Variants in GNE observed in about 807,000 individuals in gnomAD.
GNE encodes the protein bifunctional UDP-N-acetylglucosamine 2-epimerase/N-acetylmannosamine kinase.
Under a neutral mutation model 61.8 loss-of-function variants are expected in GNE, and 41 were observed. The observed-to-expected ratio is 0.66, with a 90% CI of 0.52 to 0.86. GNE has a LOEUF of 0.86. Among genes scored for constraint, GNE ranks in the 40% least tolerant of loss-of-function variants. The pLI is 0.00. For missense variants in GNE, 608 were observed against 909.1 expected, an observed-to-expected ratio of 0.67 and a Z score of 4.26; for synonymous variants, 264 against 326.4, an observed-to-expected ratio of 0.81 and a Z score of 2.06.
At chr9:36,274,533 C>T (rs1276485345) in intron 1 of GNE, among the ~76,000 whole-genome samples, 1 of 152,124 alleles carries the variant, frequency 6.6e-6, no homozygotes, top group Non-Finnish European at 1.5e-5. Flanking sequence ...TGGTCACTGC[C>T]TTATTCTTGA....
At chr9:36,240,418 T>C (rs1247245438) in intron 3 of GNE, among the ~76,000 whole-genome samples, 1 of 152,234 alleles carries the variant, frequency 6.6e-6, no homozygotes, top group African/African-American at 2.4e-5. Context: ...ACTGAAATGA[T>C]CATGTGATTT....
intron 3 of GNE, among the ~76,000 whole-genome samples, chr9:36,240,420 A>ATG (rs1434351518): frequency 6.6e-6 from 1 of 152,190 alleles, no homozygotes; most frequent in Non-Finnish European, 1.5e-5. Context: ...TGAAATGATC[A>ATG]TGTGATTTTT....
At chr9:36,258,737 G>A (rs556686512), upstream of GNE, among the ~76,000 whole-genome samples, 4 of 152,356 alleles carry the variant, frequency 2.6e-5, no homozygotes, top group South Asian at 2.1e-4. Flanking sequence ...ACTGAAGCCC[G>A]AGTCTTCCCG....
At position 36,246,437 on chromosome 9, in the gene GNE, G is replaced by A. The variant is rs755507632; in HGVS notation, c.210C>T (p.Thr70=). Residue 70 remains threonine, a synonymous_variant, in exon 3 of 12, where the codon ACC becomes ACT. Transcript: ENST00000642385. ...CTCCCCTCACAATTGTGTGTAGCCT[G>A]GTGTTAATGTCAAAGTCATCTTGTT... ...MIEQDDFDIN[T]RLHTIVRGED... The A allele has an allele frequency of 6.2e-7, 1 of 1,613,794 alleles. No individual in the cohort carries two copies. The highest frequency in any genetic ancestry group is 1.7e-5 in the Admixed American group (1 of 60,000).
chr9:36,258,628 C>A (rs751619331), upstream of GNE: 2 of 540,626 alleles, frequency 3.7e-6, no homozygotes, highest in Non-Finnish European at 4.7e-6. Context: ...GACCAGCGGA[C>A]CATCTTCCAT....
rs552859349 is a variant in GNE at position 36,247,590 on chromosome 9, G to A, written c.165-1108C>T. Among the ~76,000 whole-genome samples the A allele has an allele frequency of 5.3e-5, 8 of 152,204 alleles. No individual in the cohort carries two copies. In the East Asian group the frequency reaches 1.5e-3, roughly 29 times the overall value. ...ATAAAAAACCTACTACCATTTCCCT[G>A]AGAGCCTCTCTTCCACTAGTCTTCC... is the stretch of plus-strand genomic sequence containing the variant. On this transcript the variant is annotated intron_variant, in intron 2 of 11. Transcript: ENST00000642385.
intron 1 of GNE, among the ~76,000 whole-genome samples, chr9:36,254,569 A>G (rs1292637520): frequency 6.6e-6 from 1 of 151,992 alleles, no homozygotes; most frequent in Non-Finnish European, 1.5e-5. Flanking sequence ...TGGGGCAAGT[A>G]AATTTCCTTT....
Position 36,217,555 on chromosome 9 carries a change from A to G in GNE, c.1979T>C (p.Met660Thr). The change falls in exon 12 of 12, where the codon ATG becomes ACG. Residue 660 changes from methionine (M) to threonine (T), a missense_variant. Physicochemically the swap from Met to Thr is moderately conservative, Grantham distance 81. Coordinates refer to ENST00000642385, the MANE Select transcript of GNE (RefSeq NM_005476.7). ...GGAGAGGATCACAAGGGAGGGATTC[A>G]TGGTATGGAGGATGTTCACAACCCC... is the stretch of plus-strand genomic sequence containing the variant. ...GLGVVNILHT[M>T]NPSLVILSGV... 4 of 1,614,134 alleles carry G rather than the reference A, an allele frequency of 2.5e-6. No homozygotes were observed. The highest frequency in any genetic ancestry group is 3.4e-6 in the Non-Finnish European group (4 of 1,179,930).
chr9:36,235,980 A>T (rs1422269234), intron 4 of GNE, among the ~76,000 whole-genome samples: 1 of 152,216 alleles, frequency 6.6e-6, no homozygotes, highest in Non-Finnish European at 1.5e-5. Flanking sequence ...TCTCAGCAGT[A>T]CCAAAATCTA....
At position 36,216,327 on chromosome 9, in the gene GNE, A is replaced by ATGTGTGTGTGTGTTTGTGTG. The variant is rs1554657413; in HGVS notation, c.*1037_*1038insCACACAAACACACACACACA. 3.0e-6 allele frequency: 1 copy of ATGTGTGTGTGTGTTTGTGTG among 336,026 alleles called. No individual in the cohort carries two copies. The allele number at this position is 336,026 out of a possible 1,614,324, so 20.8% of individuals were successfully genotyped here. A position where few individuals can be genotyped will look rare whatever the true frequency, so the allele number is the denominator to read the frequency against. The stretch of plus-strand genomic sequence containing the variant: ...TTAGTTTGGGGTTAGAGGAGGAAGG[A>ATGTGTGTGTGTGTTTGTGTG]TGTGTGTGTGTGTGTGTGTGTGTGT... On this transcript the variant is annotated 3_prime_UTR_variant, in exon 12 of 12. Coordinates refer to ENST00000642385, the MANE Select transcript of GNE (RefSeq NM_005476.7).
At chr9:36,236,663 C>G (rs1829406188) in intron 4 of GNE, among the ~76,000 whole-genome samples, 169 bp downstream of exon 4, 1 of 152,146 alleles carries the variant, frequency 6.6e-6, no homozygotes, top group African/African-American at 2.4e-5. Context: ...ACATTACAAA[C>G]TTTTTGAGTT....
chr9:36,222,351 G>A (rs1269154641), intron 9 of GNE, among the ~76,000 whole-genome samples: 1 of 150,282 alleles, frequency 6.7e-6, no homozygotes, highest in Non-Finnish European at 1.5e-5. Flanking sequence ...CCCAGGAGGC[G>A]GAGCTTGCAG....
chr9:36,236,685 G>T, intron 4 of GNE, 147 bp downstream of exon 4: 2 of 747,450 alleles, frequency 2.7e-6, no homozygotes, highest in Non-Finnish European at 4.6e-6. Context: ...TAGCAAAATT[G>T]GTAATCCTTT....
chr9:36,230,588 C>G (rs982067007), intron 5 of GNE, among the ~76,000 whole-genome samples: 12 of 151,830 alleles, frequency 7.9e-5, no homozygotes, highest in African/African-American at 2.7e-4. Flanking sequence ...TCCTGAGTAA[C>G]TAGGACCACA....
chr9:36,272,599 C>T (rs538286024), intron 1 of GNE, among the ~76,000 whole-genome samples: 78 of 111,094 alleles, frequency 7.0e-4, no homozygotes, highest in African/African-American at 2.1e-3. Context: ...CCAGCCTGGG[C>T]GACAGAGCGA....
chr9:36,223,614 G>T lies in GNE; in HGVS notation c.1282-112C>A, dbSNP rs916346161. On this transcript the variant is annotated intron_variant, in intron 7 of 11. Coordinates refer to ENST00000642385, the MANE Select transcript of GNE (RefSeq NM_005476.7). The stretch of plus-strand genomic sequence containing the variant: ...GACACTGCTATAGGATGGCCCCGCA[G>T]TCTTAGATGACTGCTTGGGGAAGGA... 215 of 1,117,930 alleles carry T rather than the reference G, an allele frequency of 1.9e-4. 3 individuals are homozygous for T. Among genetic ancestry groups the T allele is most frequent in the Middle Eastern group, 1.5e-3 (5 of 3,440 alleles). 69.3% of individuals were successfully genotyped at this position (1,117,930 alleles called of 1,614,324 possible). A position where few individuals can be genotyped will look rare whatever the true frequency, so the allele number is the denominator to read the frequency against.
intron 1 of GNE, among the ~76,000 whole-genome samples, 195 bp from the exon 2 acceptor site, chr9:36,249,592 T>C (rs1185709010): frequency 1.3e-5 from 2 of 151,974 alleles, no homozygotes; most frequent in Non-Finnish European, 2.9e-5. Context: ...GTTAAGAAAC[T>C]CCAAGGCTGG....
At chr9:36,250,909 G>A (rs534725744) in intron 1 of GNE, among the ~76,000 whole-genome samples, 1 of 152,216 alleles carries the variant, frequency 6.6e-6, no homozygotes, top group Non-Finnish European at 1.5e-5. Flanking sequence ...TTGAACTCCT[G>A]GCCTCAAGTG....
At chr9:36,247,844 T>C (rs993152371) in intron 2 of GNE, among the ~76,000 whole-genome samples, 6 of 151,812 alleles carry the variant, frequency 4.0e-5, no homozygotes, top group African/African-American at 1.2e-4. Context: ...CTGACCAACA[T>C]GGAGAAACCC....
Sources: allele counts gnomAD v4.1 joint callset (sites outside exome capture counted in the v4.1 genomes callset), GRCh38; gene constraint gnomAD v4.1.1; transcripts MANE v1.5; gene names NCBI Gene and HGNC (gene_info 2026-07-23, HGNC 2026-07-21).